The following DZIP1 variants were observed in gnomAD, a reference collection of about 807,000 sequenced individuals.
DZIP1 encodes cilium assembly protein DZIP1.
Under a neutral mutation model 107.6 loss-of-function variants are expected in DZIP1, and 97 were observed. The ratio of observed to expected loss-of-function variants is 0.90; its 90% CI spans 0.77 to 1.07. The LOEUF (loss-of-function observed/expected upper bound fraction) is 1.07, where lower values mean the gene tolerates loss of function less well. DZIP1 is among the 50% of genes least tolerant of loss of function. DZIP1 has a pLI of 0.00. For synonymous variants in DZIP1, 390 were observed against 386.4 expected (o/e 1.01, Z -0.11); for missense variants, 1,035 against 1,063.6 (o/e 0.97, Z 0.37).
intron 9 of DZIP1, among the ~76,000 whole-genome samples, chr13:95,620,424 T>G (rs2139237754): frequency 6.6e-6 from 1 of 152,352 alleles, no homozygotes; most frequent in East Asian, 1.9e-4. Context: ...TAGAACAGAC[T>G]AATACAGCTG....
chr13:95,632,692 T>C (rs1266652023), intron 6 of DZIP1, among the ~76,000 whole-genome samples: 3 of 152,200 alleles, frequency 2.0e-5, no homozygotes, highest in Admixed American at 2.0e-4. Context: ...GCCCACGCCT[T>C]CACGGCTTCC....
rs2044007063 is a variant in DZIP1 at position 95,581,246 on chromosome 13, G to C, written c.*988C>G. The C allele has an allele frequency of 6.6e-6, 1 of 152,476 alleles. No individual in the cohort carries two copies. The highest frequency in any genetic ancestry group is 1.5e-5 in the Non-Finnish European group (1 of 68,010). 9.4% of individuals were successfully genotyped at this position (152,476 alleles called of 1,614,324 possible). A position where few individuals can be genotyped will look rare whatever the true frequency, so the allele number is the denominator to read the frequency against. ...CCAAGTTATAAAAATGCAAAAAACA[G>C]CTTATAAGAACTTTCTTTCGACAAT... On this transcript the variant is annotated 3_prime_UTR_variant, in exon 23 of 23. Coordinates refer to ENST00000376829, the MANE Select transcript of DZIP1 (RefSeq NM_198968.4).
At chr13:95,608,034 G>A (rs982982238) in intron 13 of DZIP1, among the ~76,000 whole-genome samples, 2 of 152,150 alleles carry the variant, frequency 1.3e-5, no homozygotes, top group African/African-American at 2.4e-5. Flanking sequence ...TTTCTTTTAA[G>A]TGATGAAAAC....
At chr13:95,625,428 T>C (rs902856159) in intron 7 of DZIP1, among the ~76,000 whole-genome samples, 1 of 152,198 alleles carries the variant, frequency 6.6e-6, no homozygotes, top group Non-Finnish European at 1.5e-5. Flanking sequence ...AACGACACTA[T>C]ATGCCAACTA....
At chr13:95,593,179 TAAATGTGTATACACATATCATATACAC>T (rs1428841101) in intron 16 of DZIP1, among the ~76,000 whole-genome samples, 1 of 152,212 alleles carries the variant, frequency 6.6e-6, no homozygotes, top group African/African-American at 2.4e-5. Flanking sequence ...TACATATACA[TAAATGTGTATACACATATCATATACAC>T]AAATGTGTAT....
intron 15 of DZIP1, among the ~76,000 whole-genome samples, chr13:95,594,691 T>C (rs1219021917): frequency 6.6e-6 from 1 of 152,054 alleles, no homozygotes; most frequent in Non-Finnish European, 1.5e-5. Context: ...AGAAGCTAAG[T>C]ACATATAAAA....
At chr13:95,611,790 A>G (rs1262352197) in intron 11 of DZIP1, among the ~76,000 whole-genome samples, 2 of 152,186 alleles carry the variant, frequency 1.3e-5, no homozygotes, top group African/African-American at 4.8e-5. Flanking sequence ...TTACTGAAAG[A>G]AATTCTTACT....
intron 19 of DZIP1, among the ~76,000 whole-genome samples, chr13:95,588,290 A>T (rs960091158): frequency 1.3e-5 from 2 of 152,208 alleles, no homozygotes; most frequent in African/African-American, 4.8e-5. Flanking sequence ...TTCACACCAC[A>T]TCCCAAGAAA....
chr13:95,588,457 T>G (rs1048218542), intron 19 of DZIP1, among the ~76,000 whole-genome samples: 3 of 152,228 alleles, frequency 2.0e-5, no homozygotes, highest in African/African-American at 7.2e-5. Context: ...ATGATAAAAT[T>G]AGTCTTACTC....
In DZIP1 at chr13:95,581,907, A is replaced by T. The variant is rs975278265; in HGVS notation, c.*327T>A. On this transcript the variant is annotated 3_prime_UTR_variant, in exon 23 of 23. Coordinates refer to ENST00000376829, the MANE Select transcript of DZIP1 (RefSeq NM_198968.4). ...CAAAACATGCTGTAAGTTTAAAAAA[A>T]ATTCACTAAAAAATTAGTTGAAAAA... 5.1e-6 allele frequency: 1 copy of T among 194,506 alleles called. No homozygotes were observed. Among genetic ancestry groups the T allele is most frequent in the African/African-American group, 2.3e-5 (1 of 43,174 alleles). 12.0% of individuals were successfully genotyped at this position (194,506 alleles called of 1,614,324 possible). A position where few individuals can be genotyped will look rare whatever the true frequency, so the allele number is the denominator to read the frequency against.
chr13:95,603,978 G>A (rs1382871017), intron 14 of DZIP1, among the ~76,000 whole-genome samples: 1 of 152,212 alleles, frequency 6.6e-6, no homozygotes, highest in African/African-American at 2.4e-5. Flanking sequence ...CCCATCAGAT[G>A]ACAAATCAGT....
chr13:95,590,184 A>G, intron 17 of DZIP1, 95 bp downstream of exon 17: 1 of 1,247,078 alleles, frequency 8.0e-7, no homozygotes, highest in Non-Finnish European at 1.1e-6. Context: ...TTAAAATTAT[A>G]ATAATTTGTT....
intron 10 of DZIP1, 115 bp from the exon 11 acceptor site, chr13:95,612,292 G>T (rs558484491): frequency 4.8e-5 from 56 of 1,158,124 alleles, no homozygotes; most frequent in Non-Finnish European, 1.7e-5. Context: ...CTATCCGTGC[G>T]CATCAAGTCG....
intron 5 of DZIP1, among the ~76,000 whole-genome samples, chr13:95,636,343 G>A (rs1168410812): frequency 6.6e-6 from 1 of 152,056 alleles, no homozygotes; most frequent in African/African-American, 2.4e-5. Context: ...AGGAGTTTGA[G>A]ACCAGCCTGG....
chr13:95,583,951 C>CT (rs2044074317), intron 22 of DZIP1, among the ~76,000 whole-genome samples: 1 of 151,664 alleles, frequency 6.6e-6, no homozygotes, highest in Non-Finnish European at 1.5e-5. Context: ...AGTGAGACCC[C>CT]ATATCCTAAA....
In DZIP1 at chr13:95,622,372, G is replaced by C. The variant is rs1875974446; in HGVS notation, c.1081C>G (p.His361Asp). 1.9e-6 allele frequency: 3 copies of C among 1,614,192 alleles called. No individual in the cohort carries two copies. Among genetic ancestry groups the C allele is most frequent in the Non-Finnish European group, 8.5e-7 (1 of 1,180,024 alleles). Residue 361 changes from histidine to aspartate, a missense_variant, in exon 9 of 23, where the codon CAT becomes GAT. His to Asp is a moderately conservative substitution (Grantham distance 81). Coordinates refer to ENST00000376829, the MANE Select transcript of DZIP1 (RefSeq NM_198968.4). ...EDRSPYPQDF[H>D]NVMQLLDSQE... is the part of the protein sequence containing the mutation. ...CTATCAAGAAGCTGCATGACATTAT[G>C]GAAATCCTGGGGATATGGAGAACGG...
rs1168388235 is a variant in DZIP1 at position 95,580,774 on chromosome 13, G to A, written c.*1460C>T. On this transcript the variant is annotated 3_prime_UTR_variant, in exon 23 of 23. Transcript: ENST00000376829. The stretch of plus-strand genomic sequence containing the variant: ...GTAGTTTTGTAGATTGCCGTTCTCT[G>A]TCCTACCACATGAAACTTGGATTCG... 1 of 152,172 alleles carries A rather than the reference G, an allele frequency of 6.6e-6. No individual in the cohort carries two copies. Among genetic ancestry groups the A allele is most frequent in the Non-Finnish European group, 1.5e-5 (1 of 68,032 alleles). The allele number at this position is 152,172 out of a possible 1,614,324, so 9.4% of individuals were successfully genotyped here.
chr13:95,625,051 C>A, intron 7 of DZIP1, 122 bp from the exon 8 acceptor site: 2 of 843,262 alleles, frequency 2.4e-6, no homozygotes, highest in Non-Finnish European at 3.6e-6. Context: ...TTCAGTGAGG[C>A]TTGTAACAAC....
intron 22 of DZIP1, among the ~76,000 whole-genome samples, chr13:95,583,564 A>G (rs80160862): frequency 1.3e-5 from 2 of 152,260 alleles, no homozygotes; most frequent in South Asian, 4.1e-4. Context: ...TTAAAAAAAA[A>G]TTACTAAGTT....
Sources: allele counts gnomAD v4.1 joint callset (sites outside exome capture counted in the v4.1 genomes callset), GRCh38; gene constraint gnomAD v4.1.1; transcripts MANE v1.5; gene names NCBI Gene and HGNC (gene_info 2026-07-23, HGNC 2026-07-21).